PTPRN2: variants seen among roughly 807,000 people sequenced by gnomAD.
The protein encoded by PTPRN2 is receptor-type tyrosine-protein phosphatase N2.
A neutral mutation model predicts 118.8 loss-of-function variants in PTPRN2; 74 were observed. The ratio of observed to expected loss-of-function variants is 0.62; its 90% CI spans 0.52 to 0.76. PTPRN2 has a LOEUF of 0.76. Ranked by LOEUF, PTPRN2 falls within the 30% of genes least tolerant of loss-of-function variation. PTPRN2 has a pLI of 0.00. For synonymous variants in PTPRN2, 641 were observed against 608.0 expected, an observed-to-expected ratio of 1.05 and a Z score of -0.80; for missense variants, 1,481 against 1,394.4, an observed-to-expected ratio of 1.06 and a Z score of -0.99.
intron 6 of PTPRN2, among the ~76,000 whole-genome samples, chr7:158,156,530 C>G (rs531064154): frequency 4.6e-5 from 7 of 152,220 alleles, no homozygotes; most frequent in Non-Finnish European, 8.8e-5. Context: ...TCTGCAGAAA[C>G]GCCCTCGTAA....
intron 12 of PTPRN2, among the ~76,000 whole-genome samples, chr7:157,721,246 G>A (rs751231798): frequency 2.0e-5 from 3 of 152,208 alleles, no homozygotes; most frequent in Non-Finnish European, 4.4e-5. Context: ...TGCTCTGGGT[G>A]CTGCATCCAC....
At chr7:158,111,275 A>G (rs897256409) in intron 9 of PTPRN2, among the ~76,000 whole-genome samples, 1 of 152,220 alleles carries the variant, frequency 6.6e-6, no homozygotes, top group African/African-American at 2.4e-5. Context: ...TCTGTTTTTA[A>G]TGGGCTCATT....
rs549340924 is a variant in PTPRN2, at chr7:157,813,177, G to A, written c.1788+85496C>T. Among the ~76,000 whole-genome samples, 35 of 152,260 alleles carry A rather than the reference G, an allele frequency of 2.3e-4. No individual in the cohort carries two copies. Among genetic ancestry groups the A allele is most frequent in the East Asian group, 5.8e-4 (3 of 5,186 alleles). On this transcript the variant is annotated intron_variant, in intron 12 of 22. Coordinates refer to ENST00000389418, the MANE Select transcript of PTPRN2 (RefSeq NM_002847.5). This position sits in a 1 kb window ranked among gnomAD's most constrained non-coding sequence, Gnocchi z 4.7. ...GCCCACAGACAAGCATCTCCAGAGC[G>A]CGTGGGACCGTAGAGAAGGCAGTGA...
At chr7:158,501,012 C>A (rs541637673) in intron 1 of PTPRN2, among the ~76,000 whole-genome samples, 1 of 152,394 alleles carries the variant, frequency 6.6e-6, no homozygotes, top group South Asian at 2.1e-4. Context: ...CTGCGGCTTC[C>A]CGCCTCCCGC....
chr7:158,378,261 C>T (rs1810702606), intron 2 of PTPRN2, among the ~76,000 whole-genome samples: 2 of 152,200 alleles, frequency 1.3e-5, no homozygotes, highest in African/African-American at 4.8e-5. Flanking sequence ...AGGCTGTCCC[C>T]TCAGCTCTTG....
intron 21 of PTPRN2, among the ~76,000 whole-genome samples, chr7:157,559,006 C>T (rs933061158): frequency 3.3e-5 from 5 of 152,206 alleles, no homozygotes; most frequent in African/African-American, 4.8e-5. Flanking sequence ...AGGAGGGAGC[C>T]GAGGGGCCGC....
intron 3 of PTPRN2, among the ~76,000 whole-genome samples, chr7:158,260,662 C>T (rs1461896003): frequency 6.6e-6 from 1 of 152,232 alleles, no homozygotes; most frequent in East Asian, 1.9e-4. Flanking sequence ...AACACACCCA[C>T]ACACAAACAC....
chr7:158,311,187 C>A (rs1478792028), intron 3 of PTPRN2, among the ~76,000 whole-genome samples: 1 of 152,244 alleles, frequency 6.6e-6, no homozygotes, highest in Non-Finnish European at 1.5e-5. Context: ...CCCCGGATGC[C>A]ATCCCAGCCA....
At chr7:157,982,269 C>A (rs113771931) in intron 11 of PTPRN2, among the ~76,000 whole-genome samples, 38 of 18,672 alleles carry the variant, frequency 2.0e-3, no homozygotes, top group Admixed American at 3.8e-3. Flanking sequence ...AGTCATAGAG[C>A]CAAGGAGGGG....
intron 11 of PTPRN2, among the ~76,000 whole-genome samples, chr7:157,899,361 A>G (rs1205002832): frequency 6.6e-6 from 1 of 152,220 alleles, no homozygotes; most frequent in African/African-American, 2.4e-5. Flanking sequence ...GGAAACAATT[A>G]GCAGATGGAA....
chr7:158,075,010 G>A (rs550829576), intron 11 of PTPRN2, among the ~76,000 whole-genome samples: 8 of 149,056 alleles, frequency 5.4e-5, no homozygotes, highest in African/African-American at 7.6e-5. Context: ...TGTCGATGGC[G>A]ATGCAATTAT....
chr7:157,748,766 G>A (rs1369640590), intron 12 of PTPRN2, among the ~76,000 whole-genome samples: 4 of 114,804 alleles, frequency 3.5e-5, no homozygotes, highest in Non-Finnish European at 5.5e-5. Flanking sequence ...TGAGGCCTGC[G>A]TCCCTGAGCT....
At chr7:158,340,446 ACACCC>A (rs1160591023) in intron 2 of PTPRN2, among the ~76,000 whole-genome samples, 2 of 99,158 alleles carry the variant, frequency 2.0e-5, no homozygotes, top group African/African-American at 3.5e-5. Context: ...GTAAGAGCTG[ACACCC>A]GCAGACGTCA....
At chr7:158,510,463 TCTC>T (rs1823097020) in intron 1 of PTPRN2, among the ~76,000 whole-genome samples, 1 of 152,040 alleles carries the variant, frequency 6.6e-6, no homozygotes, top group East Asian at 1.9e-4. Flanking sequence ...TCTCTCTCTC[TCTC>T]TCTCTCTCTC....
At chr7:157,665,883 G>C (rs1796112705) in intron 13 of PTPRN2, among the ~76,000 whole-genome samples, 1 of 152,128 alleles carries the variant, frequency 6.6e-6, no homozygotes, top group African/African-American at 2.4e-5. Flanking sequence ...ATATCACAAA[G>C]ACAGAAAATC....
Position 158,149,508 on chromosome 7 carries a change from A to G in PTPRN2, c.911-10993T>C, listed in dbSNP as rs989255064. 9.2e-5 allele frequency among the ~76,000 whole-genome samples: 14 copies of G among 152,204 alleles called. No homozygotes were observed. In the East Asian group the frequency reaches 1.2e-3, roughly 13 times the overall value. On this transcript the variant is annotated intron_variant, in intron 6 of 22. Coordinates refer to ENST00000389418, the MANE Select transcript of PTPRN2 (RefSeq NM_002847.5). ...CAATCCAATTAACTCACTGATTTTT[A>G]AAAAGATAAGCCCGGCTGGGCGCAG...
chr7:157,628,178 T>C (rs1803702263), intron 14 of PTPRN2, among the ~76,000 whole-genome samples: 1 of 152,240 alleles, frequency 6.6e-6, no homozygotes, highest in South Asian at 2.1e-4. Context: ...GGAATCATTA[T>C]ACACAGAACC....
chr7:158,447,186 C>T (rs114267653), intron 2 of PTPRN2, among the ~76,000 whole-genome samples: 2,765 of 152,288 alleles, frequency 0.018, 71 homozygotes, highest in African/African-American at 0.063. Flanking sequence ...GAGTTCCTCT[C>T]TGGGCCTGGG....
chr7:158,121,194 C>G (rs533424315), intron 9 of PTPRN2, among the ~76,000 whole-genome samples: 59 of 152,160 alleles, frequency 3.9e-4, no homozygotes, highest in African/African-American at 1.4e-3. Flanking sequence ...CCCCCTGCAC[C>G]CCAGCCTCCC....
Sources: gnomAD v4.1 joint callset for allele counts (sites outside exome capture counted in the v4.1 genomes callset) on GRCh38, gnomAD v4.1.1 for gene constraint, Gnocchi (gnomAD v3.1) non-coding constraint, MANE v1.5 for transcripts, NCBI Gene and HGNC (gene_info 2026-07-23, HGNC 2026-07-21) for gene names.